The following COG5 variants were observed in gnomAD, a reference collection of about 807,000 sequenced individuals.
The protein encoded by COG5 is conserved oligomeric Golgi complex subunit 5.
Under a neutral mutation model 110.4 loss-of-function variants are expected in COG5, and 86 were observed. The observed-to-expected ratio is 0.78, with a 90% CI of 0.65 to 0.93. The LOEUF is 0.93. Ranked by LOEUF, COG5 falls within the 40% of genes least tolerant of loss-of-function variation. The probability of loss-of-function intolerance (pLI) is 0.00; values close to 1 mark genes in which losing one functional copy is unlikely to be tolerated. For missense variants in COG5, 1,077 were observed against 987.0 expected, an observed-to-expected ratio of 1.09 and a Z score of -1.22; for synonymous variants, 360 against 334.6, an observed-to-expected ratio of 1.08 and a Z score of -0.83.
At chr7:107,238,697 G>C (rs1168333300) in intron 17 of COG5, among the ~76,000 whole-genome samples, 2 of 152,168 alleles carry the variant, frequency 1.3e-5, no homozygotes, top group African/African-American at 4.8e-5. Flanking sequence ...ATTCTGACAG[G>C]TGTGAGGTGC....
At chr7:107,222,913 T>G (rs1800048600) in intron 19 of COG5, among the ~76,000 whole-genome samples, 1 of 152,134 alleles carries the variant, frequency 6.6e-6, no homozygotes, top group African/African-American at 2.4e-5. Flanking sequence ...GCATTTCTAC[T>G]CAGCAAGATT....
At chr7:107,361,059 T>C (rs1435189373) in intron 10 of COG5, among the ~76,000 whole-genome samples, 1 of 152,194 alleles carries the variant, frequency 6.6e-6, no homozygotes, top group Non-Finnish European at 1.5e-5. Flanking sequence ...GTATACAAAA[T>C]ATTTAATATT....
intron 6 of COG5, among the ~76,000 whole-genome samples, chr7:107,418,638 TAAAG>T (rs1427175175): frequency 6.7e-6 from 1 of 149,178 alleles, no homozygotes; most frequent in Non-Finnish European, 1.5e-5. Context: ...TAAGTTTCAT[TAAAG>T]AAACCTTAGA....
chr7:107,330,291 C>T (rs1182871394), intron 10 of COG5, among the ~76,000 whole-genome samples: 1 of 152,044 alleles, frequency 6.6e-6, no homozygotes, highest in Non-Finnish European at 1.5e-5. Context: ...TGGCTGAGGC[C>T]ACATAAGCTG....
chr7:107,563,841 C>CCCT lies in COG5; in HGVS notation c.55_56insAGG (p.Ser18_Gly19insGlu). 6.2e-7 allele frequency: 1 copy of CCCT among 1,613,822 alleles called. No homozygotes were observed. The highest frequency in any genetic ancestry group is 1.3e-5 in the African/African-American group (1 of 75,066). On this transcript the variant is annotated inframe_insertion, in exon 1 of 22. Transcript: ENST00000297135. ...TTCCCGGACTGTAGCTGCAGCCGCT[C>CCCT]CAGAGCCTCGAGCTCCGAGGCCAGC...
chr7:107,555,752 C>T (rs554416539), intron 2 of COG5, among the ~76,000 whole-genome samples: 9 of 152,030 alleles, frequency 5.9e-5, no homozygotes, highest in Admixed American at 1.3e-4. Context: ...TGGCTCACAC[C>T]TGTAATCCCA....
intron 5 of COG5, among the ~76,000 whole-genome samples, chr7:107,534,949 T>C (rs1488741619): frequency 6.6e-6 from 1 of 151,372 alleles, no homozygotes; most frequent in Non-Finnish European, 1.5e-5. Flanking sequence ...TGTAAAAGAA[T>C]GGAAATCATA....
rs1582275 is a variant in COG5 at position 107,299,405 on chromosome 7, T to G, written c.1109-1059A>C. Among the ~76,000 whole-genome samples the G allele has an allele frequency of 5.5e-3, 844 of 152,146 alleles. 10 individuals carry two copies. The highest frequency in any genetic ancestry group is 0.02 in the African/African-American group (821 of 41,538). On this transcript the variant is annotated intron_variant, in intron 11 of 21. Transcript: ENST00000297135. ...GGTAATAAAGGAATTATGAACAACT[T>G]TATCTGAATAAATTTGAAAACTTTC...
In COG5 at chr7:107,541,523, A is replaced by AAAAATAT. The variant is rs60423657; in HGVS notation, c.417+6587_417+6588insATATTTT. Among the ~76,000 whole-genome samples the AAAAATAT allele has an allele frequency of 7.5e-4, 43 of 57,034 alleles. 2 individuals carry two copies. Among genetic ancestry groups the AAAAATAT allele is most frequent in the African/African-American group, 2.2e-3 (33 of 14,968 alleles). The allele number at this position is 57,034 out of a possible 152,430, so 37.4% of individuals were successfully genotyped here. Reference sequence around the variant, plus strand: ...AAAAAAAAAAAAAAAAAAAAAAAAAAATATATATATATATATATATGTATT... The same window carrying AAAAATAT: ...AAAAAAAAAAAAAAAAAAAAAAAAAAAAAATATATATATATATATATATATATGTATT... On this transcript the variant is annotated intron_variant, in intron 5 of 21. Coordinates refer to ENST00000297135, the MANE Select transcript of COG5 (RefSeq NM_006348.5).
At chr7:107,491,585 C>T (rs1228469779) in intron 6 of COG5, among the ~76,000 whole-genome samples, 1 of 152,112 alleles carries the variant, frequency 6.6e-6, no homozygotes, top group African/African-American at 2.4e-5. Context: ...AGCAAAGGAA[C>T]TTTTTCTTTT....
intron 6 of COG5, among the ~76,000 whole-genome samples, chr7:107,512,015 T>C (rs1799555228): frequency 6.6e-6 from 1 of 152,204 alleles, no homozygotes; most frequent in African/African-American, 2.4e-5. Flanking sequence ...TCACCACTCC[T>C]ATTCAACATA....
At chr7:107,332,867 T>C (rs1810387554) in intron 10 of COG5, among the ~76,000 whole-genome samples, 1 of 151,784 alleles carries the variant, frequency 6.6e-6, no homozygotes, top group South Asian at 2.1e-4. Flanking sequence ...GGAAAGAAGT[T>C]GATACCGGAG....
intron 6 of COG5, among the ~76,000 whole-genome samples, chr7:107,511,480 G>T (rs987982621): frequency 2.0e-5 from 3 of 152,176 alleles, no homozygotes; most frequent in Admixed American, 2.0e-4. Context: ...GGAGGAGCTG[G>T]TACCATTCCT....
intron 14 of COG5, chr7:107,258,631 G>A (rs549967709): frequency 2.1e-5 from 11 of 533,640 alleles, no homozygotes; most frequent in East Asian, 1.3e-4. Context: ...GGTCTTGCAC[G>A]GGAAGAACAG....
intron 6 of COG5, among the ~76,000 whole-genome samples, chr7:107,523,087 G>A (rs986287021): frequency 6.6e-6 from 1 of 152,128 alleles, no homozygotes; most frequent in Non-Finnish European, 1.5e-5. Flanking sequence ...TGAATTCATA[G>A]ATCAAGTTGG....
chr7:107,318,296 G>A (rs1441676481), intron 11 of COG5, among the ~76,000 whole-genome samples: 1 of 152,034 alleles, frequency 6.6e-6, no homozygotes, highest in Non-Finnish European at 1.5e-5. Context: ...AAAGTGCTGC[G>A]ATTACAGGCA....
At chr7:107,223,784 A>G (rs1020233549) in intron 19 of COG5, among the ~76,000 whole-genome samples, 1 of 152,228 alleles carries the variant, frequency 6.6e-6, no homozygotes, top group Non-Finnish European at 1.5e-5. Context: ...GCCTGGGTCT[A>G]AAATGTGACT....
chr7:107,210,410 T>C, intron 21 of COG5, 116 bp downstream of exon 21: 1 of 1,495,100 alleles, frequency 6.7e-7, no homozygotes, highest in Non-Finnish European at 8.9e-7. Context: ...GGCCCGCCAC[T>C]GGAAGGTGCA....
At chr7:107,563,410 C>G (rs140464401) in intron 1 of COG5, 1 of 320,228 alleles carries the variant, frequency 3.1e-6, no homozygotes, top group East Asian at 8.6e-5. Flanking sequence ...ATGCGTCTGC[C>G]GTCTGTTCTA....
Sources: allele counts gnomAD v4.1 joint callset (sites outside exome capture counted in the v4.1 genomes callset), GRCh38; gene constraint gnomAD v4.1.1; transcripts MANE v1.5; gene names NCBI Gene and HGNC (gene_info 2026-07-23, HGNC 2026-07-21).